Variants in CTNNA2 observed in about 807,000 individuals in gnomAD.
The protein encoded by CTNNA2 is catenin alpha 2.
A neutral mutation model predicts 101.0 loss-of-function variants in CTNNA2; 42 were observed. That is an observed-to-expected ratio of 0.42 (90% confidence interval 0.32 to 0.54). The LOEUF (loss-of-function observed/expected upper bound fraction) is 0.54. CTNNA2 is among the 20% of genes least tolerant of loss of function. CTNNA2 has a pLI of 0.14. For missense variants in CTNNA2, 871 were observed against 1,223.1 expected (o/e 0.71, Z 4.29); for synonymous variants, 450 against 456.4 (o/e 0.99, Z 0.18).
At chr2:80,478,995 C>T (rs989852470) in intron 9 of CTNNA2, among the ~76,000 whole-genome samples, 1 of 148,918 alleles carries the variant, frequency 6.7e-6, no homozygotes, top group East Asian at 2.1e-4. Flanking sequence ...ATTGATTCTT[C>T]CAATCCATGA....
Position 80,232,341 on chromosome 2 carries a change from GTTTGTTTTTTTTTTT to G in CTNNA2, c.1057-160866_1057-160852del, listed in dbSNP as rs1553473429. Among the ~76,000 whole-genome samples, 299 of 82,008 alleles carry G rather than the reference GTTTGTTTTTTTTTTT, an allele frequency of 3.6e-3. 7 individuals are homozygous for G. Among genetic ancestry groups the G allele is most frequent in the African/African-American group, 9.1e-3 (277 of 30,352 alleles). The allele number at this position is 82,008 out of a possible 152,430, so 53.8% of individuals were successfully genotyped here. A position where few individuals can be genotyped will look rare whatever the true frequency, so the allele number is the denominator to read the frequency against. ...TTGGGTTTTGTTTGTTTGTTTGTTT[GTTTGTTTTTTTTTTT>G]TTTTTTTTTTTTTTTTTTTTTTTTT... On this transcript the variant is annotated intron_variant, in intron 7 of 18. Transcript: ENST00000402739.
chr2:79,437,021 G>A (rs1205863482), intron 4 of CTNNA2, among the ~76,000 whole-genome samples: 1 of 151,980 alleles, frequency 6.6e-6, no homozygotes, highest in East Asian at 2.0e-4. Flanking sequence ...ATCACCTGAG[G>A]TCAGGAGTTT....
intron 2 of CTNNA2, among the ~76,000 whole-genome samples, chr2:79,732,820 A>G (rs1687287359): frequency 6.6e-6 from 1 of 152,116 alleles, no homozygotes; most frequent in South Asian, 2.1e-4. Flanking sequence ...AACTTCAGGA[A>G]GTTAGGCTCC....
At chr2:80,230,260 G>GTTTT (rs375509574) in intron 7 of CTNNA2, among the ~76,000 whole-genome samples, 55 of 121,620 alleles carry the variant, frequency 4.5e-4, no homozygotes, top group African/African-American at 1.7e-3. Context: ...TTTTTTCTTT[G>GTTTT]TTTTTTTTTT....
chr2:80,611,076 G>C (rs1698431686), intron 17 of CTNNA2, among the ~76,000 whole-genome samples: 1 of 151,284 alleles, frequency 6.6e-6, no homozygotes, highest in East Asian at 2.0e-4. Flanking sequence ...TCTCAAAGTA[G>C]AAAATGCATT....
intron 4 of CTNNA2, among the ~76,000 whole-genome samples, chr2:79,455,757 C>T (rs1558670351): frequency 6.6e-6 from 1 of 152,046 alleles, no homozygotes; most frequent in Non-Finnish European, 1.5e-5. Context: ...TAGTATGGCC[C>T]ATAAGATACA....
chr2:79,768,188 G>C (rs886649468), intron 3 of CTNNA2, among the ~76,000 whole-genome samples: 2 of 151,710 alleles, frequency 1.3e-5, no homozygotes, highest in African/African-American at 4.8e-5. Context: ...ACAGCACTGA[G>C]TTCATTTCCT....
intron 1 of CTNNA2, chr2:79,649,242 T>C (rs2104462273): frequency 6.5e-6 from 1 of 154,888 alleles, no homozygotes; most frequent in East Asian, 1.9e-4. Context: ...TGTGCCTTCC[T>C]TGATCTATCA....
At chr2:79,270,325 C>T (rs898835452) in intron 2 of CTNNA2, among the ~76,000 whole-genome samples, 2 of 152,114 alleles carry the variant, frequency 1.3e-5, no homozygotes, top group Non-Finnish European at 2.9e-5. Context: ...GAGCCTGCAG[C>T]TCTTCTTCTC....
chr2:80,058,897 C>T lies in CTNNA2; in HGVS notation c.1056+149100C>T, dbSNP rs144109550. On this transcript the variant is annotated intron_variant, in intron 7 of 18. Transcript: ENST00000402739. The stretch of plus-strand genomic sequence containing the variant: ...TGATAAATGTGCCAACCAGGAAATG[C>T]GTGTCAGCCAAGTTTTCTGATTTTC... 5.1e-4 allele frequency among the ~76,000 whole-genome samples: 77 copies of T among 152,242 alleles called. 2 individuals carry two copies. The East Asian group carries it at 7.5e-3, about 15-fold the overall frequency.
intron 7 of CTNNA2, among the ~76,000 whole-genome samples, chr2:80,121,971 G>A (rs896529126): frequency 3.9e-5 from 6 of 152,110 alleles, no homozygotes; most frequent in African/African-American, 1.2e-4. Flanking sequence ...CGAGGCTGTG[G>A]GTGTAACAGG....
intron 2 of CTNNA2, among the ~76,000 whole-genome samples, chr2:79,218,349 G>GTT (rs1479396115): frequency 1.5e-5 from 1 of 68,856 alleles, no homozygotes. Context: ...GTGTGTGTGT[G>GTT]TATTTTTTTT....
chr2:79,716,126 TG>T (rs933450542), intron 2 of CTNNA2, among the ~76,000 whole-genome samples: 10 of 151,964 alleles, frequency 6.6e-5, no homozygotes, highest in African/African-American at 2.4e-4. Flanking sequence ...AGAACAAAAT[TG>T]GGTGTACAGG....
chr2:79,797,930 T>C (rs919237003), intron 3 of CTNNA2, among the ~76,000 whole-genome samples: 2 of 152,134 alleles, frequency 1.3e-5, no homozygotes, highest in Non-Finnish European at 2.9e-5. Flanking sequence ...TTATACCAGA[T>C]TTTACATGAA....
At chr2:79,996,004 G>T (rs961843599) in intron 7 of CTNNA2, among the ~76,000 whole-genome samples, 1 of 152,058 alleles carries the variant, frequency 6.6e-6, no homozygotes, top group Non-Finnish European at 1.5e-5. Flanking sequence ...TTTCTCTTTT[G>T]CAGGCTTATT....
chr2:79,517,870 A>G lies in CTNNA2; in HGVS notation c.-6+4663A>G, dbSNP rs78918815. Among the ~76,000 whole-genome samples the G allele has an allele frequency of 9.9e-3, 1,508 of 152,264 alleles. 25 individuals carry two copies. Among genetic ancestry groups the G allele is most frequent in the East Asian group, 0.048 (247 of 5,190 alleles). The stretch of plus-strand genomic sequence containing the variant: ...ATAGGCCTTATCTGCGTACACAACT[A>G]TTAGACTATTACATTTCAGGTATTA... On this transcript the variant is annotated intron_variant, in intron 1 of 18. Transcript: ENST00000402739.
At chr2:79,982,432 A>G (rs1321051906) in intron 7 of CTNNA2, among the ~76,000 whole-genome samples, 1 of 148,046 alleles carries the variant, frequency 6.8e-6, no homozygotes, top group Non-Finnish European at 1.5e-5. Context: ...CACATATATA[A>G]CATATATATA....
At chr2:79,532,777 C>G (rs1305485342) in intron 1 of CTNNA2, among the ~76,000 whole-genome samples, 1 of 149,894 alleles carries the variant, frequency 6.7e-6, no homozygotes, top group African/African-American at 2.5e-5. Flanking sequence ...AACCCCTAAT[C>G]TGGATGCACC....
intron 7 of CTNNA2, among the ~76,000 whole-genome samples, chr2:80,134,186 C>A (rs1356163073): frequency 1.3e-5 from 2 of 152,104 alleles, no homozygotes; most frequent in African/African-American, 4.8e-5. Context: ...GAATACAGGA[C>A]TTGTTTTAAG....
Sources: gnomAD v4.1 joint callset for allele counts (sites outside exome capture counted in the v4.1 genomes callset) on GRCh38, gnomAD v4.1.1 for gene constraint, MANE v1.5 for transcripts, NCBI Gene and HGNC (gene_info 2026-07-23, HGNC 2026-07-21) for gene names.